The following RPS6KC1 variants were observed in gnomAD, a reference collection of about 807,000 sequenced individuals.
The protein encoded by RPS6KC1 is inactive ribosomal protein S6 kinase delta-1.
RPS6KC1 carries 54 observed loss-of-function variants against 103.8 expected under a neutral mutation model. The observed-to-expected ratio is 0.52, with a 90% CI of 0.42 to 0.65. The LOEUF is 0.65. Ranked by LOEUF, RPS6KC1 falls within the 30% of genes least tolerant of loss-of-function variation. The pLI is 0.00. For synonymous variants in RPS6KC1, 439 were observed against 438.7 expected, an observed-to-expected ratio of 1.00 and a Z score of -0.01; for missense variants, 1,151 against 1,253.8, an observed-to-expected ratio of 0.92 and a Z score of 1.24.
the RPS6KC1 span, among the ~76,000 whole-genome samples, chr1:213,854,880 A>G: frequency 6.6e-6 from 1 of 152,222 alleles, no homozygotes; most frequent in Admixed American, 6.5e-5. Context: ...TCAGGCAGCT[A>G]TAACAAGATA....
At chr1:213,622,873 G>A in the RPS6KC1 span, among the ~76,000 whole-genome samples, 2 of 152,114 alleles carry the variant, frequency 1.3e-5, no homozygotes, top group East Asian at 3.9e-4. Flanking sequence ...TTCTCAGATT[G>A]ACTTGGCTTC....
At chr1:213,393,995 C>G in the RPS6KC1 span, among the ~76,000 whole-genome samples, 1 of 151,924 alleles carries the variant, frequency 6.6e-6, no homozygotes, top group Non-Finnish European at 1.5e-5. Flanking sequence ...TAGCCACAGC[C>G]GAAGACAGAT....
At chr1:213,193,716 A>G (rs1433905071) in intron 8 of RPS6KC1, among the ~76,000 whole-genome samples, 1 of 151,908 alleles carries the variant, frequency 6.6e-6, no homozygotes, top group African/African-American at 2.4e-5. Context: ...GCTTACTGCA[A>G]CCTCCACGCT....
At position 213,272,734 on chromosome 1, in the gene RPS6KC1, A is replaced by G. The variant is rs2095074152; in HGVS notation, c.*100A>G. 2 of 818,664 alleles carry G rather than the reference A, an allele frequency of 2.4e-6. No homozygotes were observed. Among genetic ancestry groups the G allele is most frequent in the Admixed American group, 2.1e-5 (1 of 47,836 alleles). The allele number at this position is 818,664 out of a possible 1,614,324, so 50.7% of individuals were successfully genotyped here. A position where few individuals can be genotyped will look rare whatever the true frequency, so the allele number is the denominator to read the frequency against. Reference sequence around the variant, plus strand: ...CTCACAGTTACTTATGGAGCACCAAAGCATTTGGATAAAGACCGTTATAGG... The same window carrying G: ...CTCACAGTTACTTATGGAGCACCAAGGCATTTGGATAAAGACCGTTATAGG... On this transcript the variant is annotated 3_prime_UTR_variant, in exon 15 of 15. Coordinates refer to ENST00000366960, the MANE Select transcript of RPS6KC1 (RefSeq NM_012424.6).
At chr1:213,284,342 C>T in the RPS6KC1 span, among the ~76,000 whole-genome samples, 843 of 152,134 alleles carry the variant, frequency 5.5e-3, 7 homozygotes, top group Middle Eastern at 0.02. Flanking sequence ...ATGGCGAAAC[C>T]GTGTCTCTAC....
chr1:213,396,104 C>T, the RPS6KC1 span, among the ~76,000 whole-genome samples: 2 of 152,150 alleles, frequency 1.3e-5, no homozygotes. Flanking sequence ...AAAGACCATG[C>T]AGTGAGTTGG....
At chr1:213,266,739 C>CTTTT in intron 14 of RPS6KC1, among the ~76,000 whole-genome samples, 1 of 152,068 alleles carries the variant, frequency 6.6e-6, no homozygotes, top group East Asian at 1.9e-4. Flanking sequence ...CCTGTCTCTA[C>CTTTT]TAAAAATACA....
the RPS6KC1 span, among the ~76,000 whole-genome samples, chr1:213,412,277 C>T: frequency 6.6e-6 from 1 of 152,190 alleles, no homozygotes; most frequent in African/African-American, 2.4e-5. Context: ...GTCTTAGATC[C>T]ATCCTTCTCT....
rs189474403 is a variant in RPS6KC1 at position 213,191,751 on chromosome 1, A to G, written c.1044+15259A>G. On this transcript the variant is annotated intron_variant, in intron 8 of 14. Transcript: ENST00000366960. ...AGGAAAGGCTTTCAGTTTTTCCCCC[A>G]TTCAGTGTGATACTAGATATGGGTC... is the stretch of plus-strand genomic sequence containing the variant. Among the ~76,000 whole-genome samples the G allele has an allele frequency of 2.6e-5, 4 of 152,090 alleles. No individual in the cohort carries two copies. In the East Asian group the frequency reaches 7.7e-4, roughly 29 times the overall value.
chr1:213,303,203 G>GA, the RPS6KC1 span, among the ~76,000 whole-genome samples: 1 of 152,224 alleles, frequency 6.6e-6, no homozygotes, highest in Non-Finnish European at 1.5e-5. Context: ...GCAGACCGAA[G>GA]AAAGGGATCT....
the RPS6KC1 span, among the ~76,000 whole-genome samples, chr1:213,514,857 G>T: frequency 6.6e-6 from 1 of 152,160 alleles, no homozygotes; most frequent in South Asian, 2.1e-4. Flanking sequence ...CAGTGTAAAA[G>T]TGTTCCTATT....
chr1:213,337,429 G>A, the RPS6KC1 span, among the ~76,000 whole-genome samples: 15 of 152,276 alleles, frequency 9.9e-5, no homozygotes, highest in East Asian at 5.8e-4. Context: ...TATGGTTATC[G>A]TACTAGATTG....
the RPS6KC1 span, among the ~76,000 whole-genome samples, chr1:213,630,118 T>A: frequency 3.3e-4 from 51 of 152,348 alleles, no homozygotes; most frequent in African/African-American, 1.2e-3. Context: ...TTCCTGAATT[T>A]GAATATTGGT....
At chr1:213,440,818 C>G in the RPS6KC1 span, among the ~76,000 whole-genome samples, 1 of 152,060 alleles carries the variant, frequency 6.6e-6, no homozygotes, top group Non-Finnish European at 1.5e-5. Flanking sequence ...ACAGGTCTGC[C>G]CCTGTGCTGA....
At chr1:213,608,036 G>C in the RPS6KC1 span, among the ~76,000 whole-genome samples, 7 of 152,220 alleles carry the variant, frequency 4.6e-5, no homozygotes, top group African/African-American at 7.2e-5. Context: ...TCCGGATTCA[G>C]AAGTCACATG....
chr1:213,825,784 G>T, the RPS6KC1 span, among the ~76,000 whole-genome samples: 1 of 152,122 alleles, frequency 6.6e-6, no homozygotes, highest in Non-Finnish European at 1.5e-5. Flanking sequence ...TAATATTCTG[G>T]AATTTAATAA....
chr1:213,256,079 C>T (rs988851379), intron 12 of RPS6KC1, among the ~76,000 whole-genome samples: 2 of 152,156 alleles, frequency 1.3e-5, no homozygotes. Context: ...CAGTTCTTAT[C>T]CTTCTCTACT....
the RPS6KC1 span, among the ~76,000 whole-genome samples, chr1:213,637,431 G>A: frequency 1.1e-4 from 16 of 151,442 alleles, no homozygotes; most frequent in African/African-American, 3.9e-4. Context: ...TGGGAGGCAG[G>A]GGGAGGGATC....
chr1:213,621,978 G>A, the RPS6KC1 span, among the ~76,000 whole-genome samples: 1 of 152,162 alleles, frequency 6.6e-6, no homozygotes, highest in African/African-American at 2.4e-5. Flanking sequence ...TGTTAGCCCT[G>A]TATGCCCCTT....
Sources: gnomAD v4.1 joint callset for allele counts (sites outside exome capture counted in the v4.1 genomes callset) on GRCh38, gnomAD v4.1.1 for gene constraint, MANE v1.5 for transcripts, NCBI Gene and HGNC (gene_info 2026-07-23, HGNC 2026-07-21) for gene names.